The following KALRN variants were observed in gnomAD, a reference collection of about 807,000 sequenced individuals.
KALRN encodes kalirin RhoGEF kinase, also known as kalirin.
In KALRN, 70 loss-of-function variants were observed where a neutral mutation model predicts 353.7. The observed-to-expected ratio is 0.20, with a 90% CI of 0.16 to 0.24. The LOEUF is 0.24. KALRN is among the 10% of genes least tolerant of loss of function. The pLI is 1.00. For synonymous variants in KALRN, 1,391 were observed against 1,434.8 expected (o/e 0.97, Z 0.69); for missense variants, 2,791 against 3,756.7 (o/e 0.74, Z 6.72).
chr3:124,526,200 A>T (rs1375066353), intron 33 of KALRN, among the ~76,000 whole-genome samples: 1 of 152,204 alleles, frequency 6.6e-6, no homozygotes, highest in Non-Finnish European at 1.5e-5. Context: ...CCAGTTTCCC[A>T]ACATGCCTCA....
intron 59 of KALRN, 21 bp from the exon 60 acceptor site, chr3:124,718,904 T>C (rs201847148): frequency 6.2e-6 from 10 of 1,609,536 alleles, no homozygotes; most frequent in Non-Finnish European, 7.7e-6. Context: ...CTTTTCTCCC[T>C]GCTTCCTTGG....
intron 37 of KALRN, among the ~76,000 whole-genome samples, chr3:124,639,980 T>C (rs955449764): frequency 6.6e-6 from 1 of 152,292 alleles, no homozygotes; most frequent in African/African-American, 2.4e-5. Flanking sequence ...AATGTAACAA[T>C]ACTAGGTTGA....
intron 1 of KALRN, among the ~76,000 whole-genome samples, chr3:124,071,822 G>A (rs948673011): frequency 1.3e-5 from 2 of 152,092 alleles, no homozygotes; most frequent in African/African-American, 4.8e-5. Flanking sequence ...TCTCTTCATC[G>A]ACATTGCCTT....
At chr3:124,687,564 A>C (rs115555531) in intron 51 of KALRN, among the ~76,000 whole-genome samples, 1,729 of 152,174 alleles carry the variant, frequency 0.011, 26 homozygotes, top group African/African-American at 0.039. Flanking sequence ...GGATATTTGG[A>C]CTAGAAATAT....
chr3:124,043,429 T>C (rs886089848), intron 1 of KALRN, among the ~76,000 whole-genome samples: 3 of 151,816 alleles, frequency 2.0e-5, no homozygotes, highest in African/African-American at 7.3e-5. Context: ...AAGACAGAAG[T>C]AATAGATTGA....
intron 1 of KALRN, among the ~76,000 whole-genome samples, chr3:124,038,565 C>T (rs1283336361): frequency 6.6e-6 from 1 of 152,062 alleles, no homozygotes; most frequent in African/African-American, 2.4e-5. Flanking sequence ...AAGAGTTTAG[C>T]TTTGGTAAGC....
chr3:124,666,928 A>G, intron 46 of KALRN, 84 bp from the exon 47 acceptor site: 1 of 1,410,880 alleles, frequency 7.1e-7, no homozygotes, highest in Non-Finnish European at 9.6e-7. Context: ...TTGTCCTGAA[A>G]TAGAAACTTT....
chr3:124,716,852 T>C (rs1036088749), intron 58 of KALRN, among the ~76,000 whole-genome samples: 6 of 152,344 alleles, frequency 3.9e-5, no homozygotes, highest in Non-Finnish European at 5.9e-5. Context: ...GCAAAACACA[T>C]GTGGGGCTGT....
intron 1 of KALRN, among the ~76,000 whole-genome samples, chr3:124,126,862 C>T (rs1002369904): frequency 3.3e-5 from 5 of 152,202 alleles, no homozygotes. Context: ...CCAAGAGTGC[C>T]TGGCACATTC....
chr3:124,321,386 A>G (rs2079323513), intron 6 of KALRN, among the ~76,000 whole-genome samples: 1 of 152,254 alleles, frequency 6.6e-6, no homozygotes, highest in Non-Finnish European at 1.5e-5. Context: ...CTTTCAGTAT[A>G]CCACATAAGA....
intron 33 of KALRN, chr3:124,519,255 A>G: frequency 2.1e-6 from 2 of 953,778 alleles, no homozygotes; most frequent in Non-Finnish European, 2.5e-6. Context: ...TGTTGAAACT[A>G]GATGATGGTA....
chr3:124,117,125 G>C (rs1397673426), intron 1 of KALRN, among the ~76,000 whole-genome samples: 1 of 152,130 alleles, frequency 6.6e-6, no homozygotes, highest in Non-Finnish European at 1.5e-5. Context: ...TTTGAATTGG[G>C]GAAGTGGCAG....
intron 6 of KALRN, among the ~76,000 whole-genome samples, chr3:124,307,109 C>T (rs1404025625): frequency 2.0e-5 from 3 of 152,066 alleles, no homozygotes; most frequent in African/African-American, 7.2e-5. Flanking sequence ...ACAGTATAAA[C>T]ACACATTTCT....
At chr3:124,452,114 C>T (rs1488423637) in intron 21 of KALRN, among the ~76,000 whole-genome samples, 1 of 152,204 alleles carries the variant, frequency 6.6e-6, no homozygotes, top group Non-Finnish European at 1.5e-5. Context: ...TGTGACCAGG[C>T]ATTTGGCAGG....
chr3:124,680,637 A>G (rs1354906018), intron 51 of KALRN, among the ~76,000 whole-genome samples: 2 of 152,206 alleles, frequency 1.3e-5, no homozygotes, highest in Non-Finnish European at 2.9e-5. Context: ...ATGTTGTTTC[A>G]GCCACCACAA....
intron 27 of KALRN, among the ~76,000 whole-genome samples, chr3:124,482,237 A>G (rs1256594867): frequency 5.3e-5 from 8 of 152,226 alleles, no homozygotes; most frequent in Admixed American, 2.0e-4. Context: ...AGGAGGTGCT[A>G]TTTATCACAA....
chr3:124,592,583 T>G (rs1420239821), intron 34 of KALRN, among the ~76,000 whole-genome samples: 1 of 147,686 alleles, frequency 6.8e-6, no homozygotes, highest in Non-Finnish European at 1.5e-5. Context: ...GAGGCTTTGT[T>G]GGTTCTTCTT....
At chr3:124,250,198 G>A (rs1425532229) in intron 3 of KALRN, among the ~76,000 whole-genome samples, 1 of 152,242 alleles carries the variant, frequency 6.6e-6, no homozygotes, top group Non-Finnish European at 1.5e-5. Flanking sequence ...AGGAGGGAAG[G>A]AGAGGAGGTG....
At chr3:124,037,750 A>G (rs775296223) in intron 1 of KALRN, among the ~76,000 whole-genome samples, 11 of 152,102 alleles carry the variant, frequency 7.2e-5, no homozygotes, top group Non-Finnish European at 1.0e-4. Flanking sequence ...GGACTTGTTG[A>G]TAATCTAGTG....
Sources: allele counts gnomAD v4.1 joint callset (sites outside exome capture counted in the v4.1 genomes callset), GRCh38; gene constraint gnomAD v4.1.1; transcripts MANE v1.5; gene names NCBI Gene and HGNC (gene_info 2026-07-23, HGNC 2026-07-21).